The following COL25A1 variants were observed in gnomAD, a reference collection of about 807,000 sequenced individuals.
COL25A1 encodes the protein collagen alpha-1(XXV) chain.
COL25A1 carries 103 observed loss-of-function variants against 128.4 expected under a neutral mutation model. That is an observed-to-expected ratio of 0.80 (90% CI 0.68 to 0.94). COL25A1 has a LOEUF of 0.94. Ranked by LOEUF, COL25A1 falls within the 40% of genes least tolerant of loss-of-function variation. The pLI, the probability that COL25A1 is intolerant of heterozygous loss-of-function variation, is 0.00. For missense variants in COL25A1, 745 were observed against 840.0 expected (o/e 0.89, Z 1.40); for synonymous variants, 279 against 277.2 (o/e 1.01, Z -0.06).
chr4:108,929,274 C>T (rs1378529375), intron 11 of COL25A1, among the ~76,000 whole-genome samples: 1 of 151,936 alleles, frequency 6.6e-6, no homozygotes, highest in Non-Finnish European at 1.5e-5. Context: ...CAGGCACCTC[C>T]CACCATGCCT....
In COL25A1 at chr4:109,219,449, T is replaced by C. The variant is rs142561777; in HGVS notation, c.367+81134A>G. ...AACAAATAATTCTTTTAATTATCAG[T>C]TTTTACTCTTAGTCTGTACCCTATG... On this transcript the variant is annotated intron_variant, in intron 3 of 37. Transcript: ENST00000399132. 6.5e-3 allele frequency among the ~76,000 whole-genome samples: 984 copies of C among 152,054 alleles called. 8 individuals carry two copies. The highest frequency in any genetic ancestry group is 0.017 in the Middle Eastern group (5 of 294).
chr4:109,016,962 T>G (rs1757272341), intron 5 of COL25A1, among the ~76,000 whole-genome samples: 1 of 152,200 alleles, frequency 6.6e-6, no homozygotes. Flanking sequence ...CTGCCCCTCA[T>G]TCGCCATGTT....
At chr4:108,996,111 C>T (rs1032746680) in intron 6 of COL25A1, among the ~76,000 whole-genome samples, 1 of 152,166 alleles carries the variant, frequency 6.6e-6, no homozygotes, top group Admixed American at 6.5e-5. Context: ...CAAATTCACA[C>T]ATAAAAATAT....
intron 8 of COL25A1, among the ~76,000 whole-genome samples, chr4:108,965,846 A>G (rs1248497362): frequency 6.6e-6 from 1 of 152,216 alleles, no homozygotes; most frequent in Admixed American, 6.5e-5. Context: ...GGGACTTAGA[A>G]TAAAAGTGGA....
chr4:108,854,516 A>G (rs1736223012), intron 24 of COL25A1, among the ~76,000 whole-genome samples: 1 of 152,158 alleles, frequency 6.6e-6, no homozygotes, highest in East Asian at 1.9e-4. Flanking sequence ...TAAATTTACA[A>G]GAAAAAAAAC....
At chr4:109,059,491 G>A (rs1761748027) in intron 3 of COL25A1, among the ~76,000 whole-genome samples, 1 of 152,122 alleles carries the variant, frequency 6.6e-6, no homozygotes, top group South Asian at 2.1e-4. Flanking sequence ...TATTTCTGAA[G>A]CCCTTTATTT....
intron 3 of COL25A1, among the ~76,000 whole-genome samples, chr4:109,166,058 T>C (rs1773043863): frequency 6.6e-6 from 1 of 152,188 alleles, no homozygotes; most frequent in Non-Finnish European, 1.5e-5. Flanking sequence ...AGAATAAAAT[T>C]AGATCAATTT....
intron 6 of COL25A1, among the ~76,000 whole-genome samples, chr4:108,993,706 A>T (rs1030894684): frequency 3.9e-5 from 6 of 152,052 alleles, no homozygotes; most frequent in African/African-American, 1.4e-4. Flanking sequence ...CTAAAAATAC[A>T]AAAATTAGCT....
At chr4:109,026,822 G>A (rs1758342618) in intron 5 of COL25A1, among the ~76,000 whole-genome samples, 1 of 152,198 alleles carries the variant, frequency 6.6e-6, no homozygotes, top group East Asian at 1.9e-4. Flanking sequence ...GCATGCAAGA[G>A]AACACAAAAG....
At chr4:109,126,750 A>C (rs1400565698) in intron 3 of COL25A1, among the ~76,000 whole-genome samples, 2 of 151,958 alleles carry the variant, frequency 1.3e-5, no homozygotes, top group Non-Finnish European at 2.9e-5. Flanking sequence ...TTCCCAACTT[A>C]TGTTTTCCCC....
chr4:109,070,923 T>A (rs1216186123), intron 3 of COL25A1, among the ~76,000 whole-genome samples: 1 of 152,060 alleles, frequency 6.6e-6, no homozygotes, highest in Non-Finnish European at 1.5e-5. Flanking sequence ...ATTTTCTTAA[T>A]CCAGCCTATC....
chr4:108,836,556 G>T (rs1056703144), intron 31 of COL25A1, among the ~76,000 whole-genome samples: 15 of 152,056 alleles, frequency 9.9e-5, no homozygotes, highest in Non-Finnish European at 1.9e-4. Flanking sequence ...AAAATAAAGC[G>T]CTTGAGCCCA....
At chr4:108,961,596 GTTC>G (rs1750695938) in intron 8 of COL25A1, among the ~76,000 whole-genome samples, 2 of 151,748 alleles carry the variant, frequency 1.3e-5, no homozygotes, top group African/African-American at 2.4e-5. Context: ...GTTCTGTTCT[GTTC>G]TGTTCTGTTC....
Position 108,941,423 on chromosome 4 carries a change from T to C in COL25A1, c.507A>G (p.Lys169=), listed in dbSNP as rs1367258101. ...CAGCAGAGAGAAACCCATGATTGAT[T>C]TTAGGAAACACCATCTGATCAGTCA... ...GDQGPRMVFP[K]INHGFLSADQ... The change falls in exon 9 of 38, where the codon AAA becomes AAG. Residue 169 remains lysine (K), a synonymous_variant. Coordinates refer to ENST00000399132, the MANE Select transcript of COL25A1 (RefSeq NM_198721.4). 2 of 1,613,788 alleles carry C rather than the reference T, an allele frequency of 1.2e-6. No individual in the cohort carries two copies. Among genetic ancestry groups the C allele is most frequent in the African/African-American group, 1.3e-5 (1 of 74,906 alleles).
chr4:109,066,873 T>C (rs546540265), intron 3 of COL25A1, among the ~76,000 whole-genome samples: 1 of 152,156 alleles, frequency 6.6e-6, no homozygotes, highest in South Asian at 2.1e-4. Context: ...TCTCACTATG[T>C]TGCCCAGGCT....
chr4:108,843,912 A>T (rs1039581491), intron 30 of COL25A1, among the ~76,000 whole-genome samples: 1 of 125,338 alleles, frequency 8.0e-6, no homozygotes, highest in African/African-American at 2.9e-5. Context: ...TATTATTATT[A>T]TTTTTGAGAT....
chr4:109,181,571 T>G (rs1461556480), intron 3 of COL25A1, among the ~76,000 whole-genome samples: 1 of 152,072 alleles, frequency 6.6e-6, no homozygotes, highest in East Asian at 1.9e-4. Context: ...GTTTTTAAAT[T>G]TTTCAAATTG....
At chr4:108,815,420 G>A (rs1731156973) in intron 37 of COL25A1, among the ~76,000 whole-genome samples, 1 of 152,162 alleles carries the variant, frequency 6.6e-6, no homozygotes, top group Non-Finnish European at 1.5e-5. Flanking sequence ...CAGCTAAGTT[G>A]ACCACATAAG....
chr4:109,138,958 C>T (rs1003699057), intron 3 of COL25A1, among the ~76,000 whole-genome samples: 11 of 152,274 alleles, frequency 7.2e-5, no homozygotes, highest in South Asian at 4.1e-4. Context: ...CCGCCCACCT[C>T]GGCCTCCCAA....
Sources: allele counts gnomAD v4.1 joint callset (sites outside exome capture counted in the v4.1 genomes callset), GRCh38; gene constraint gnomAD v4.1.1; transcripts MANE v1.5; gene names NCBI Gene and HGNC (gene_info 2026-07-23, HGNC 2026-07-21).